Variants in CGNL1 observed in about 807,000 individuals in gnomAD.
The protein encoded by CGNL1 is cingulin-like protein 1.
Under a neutral mutation model 141.2 loss-of-function variants are expected in CGNL1, and 132 were observed. The observed-to-expected ratio is 0.93, with a 90% CI of 0.81 to 1.08. The LOEUF (loss-of-function observed/expected upper bound fraction) is 1.08, where lower values mean the gene tolerates loss of function less well. CGNL1 is among the 50% of genes least tolerant of loss of function. The pLI is 0.00. For synonymous variants in CGNL1, 690 were observed against 622.1 expected, an observed-to-expected ratio of 1.11 and a Z score of -1.63; for missense variants, 1,870 against 1,588.6, an observed-to-expected ratio of 1.18 and a Z score of -3.01.
chr15:57,378,283 A>G (rs1348871808), intron 1 of CGNL1, among the ~76,000 whole-genome samples: 9 of 148,688 alleles, frequency 6.1e-5, no homozygotes, highest in Admixed American at 2.0e-4. Flanking sequence ...TGATGTTTGC[A>G]TTAAAATTTC....
At chr15:57,495,301 T>G (rs1215678534) in intron 8 of CGNL1, among the ~76,000 whole-genome samples, 11 of 152,206 alleles carry the variant, frequency 7.2e-5, no homozygotes, top group Non-Finnish European at 1.5e-4. Context: ...CAGTTGGTGT[T>G]GGTCTCATTA....
chr15:57,413,782 T>C (rs1476610539), intron 1 of CGNL1, among the ~76,000 whole-genome samples: 1 of 152,174 alleles, frequency 6.6e-6, no homozygotes, highest in Non-Finnish European at 1.5e-5. Context: ...TGTTGCTGGG[T>C]AGATTTTTGT....
intron 1 of CGNL1, among the ~76,000 whole-genome samples, chr15:57,416,122 C>T (rs568502152): frequency 7.2e-4 from 110 of 152,038 alleles, no homozygotes; most frequent in African/African-American, 2.6e-3. Context: ...TGAAAAGGTA[C>T]TTCCACATTG....
At chr15:57,479,907 A>G (rs1366635145) in intron 8 of CGNL1, among the ~76,000 whole-genome samples, 1 of 152,096 alleles carries the variant, frequency 6.6e-6, no homozygotes, top group Admixed American at 6.6e-5. Flanking sequence ...TCTAGAGGAT[A>G]AAGGGGGAAA....
intron 8 of CGNL1, among the ~76,000 whole-genome samples, chr15:57,516,404 G>A (rs1595786745): frequency 1.3e-5 from 2 of 152,142 alleles, no homozygotes; most frequent in African/African-American, 4.8e-5. Context: ...TCGAAATCCC[G>A]TGTAAAGATC....
chr15:57,492,303 C>G (rs568132554), intron 8 of CGNL1, among the ~76,000 whole-genome samples: 103 of 152,202 alleles, frequency 6.8e-4, no homozygotes, highest in Non-Finnish European at 1.3e-3. Flanking sequence ...TGAGGTGGGC[C>G]TAACTTGATT....
intron 4 of CGNL1, among the ~76,000 whole-genome samples, chr15:57,450,862 G>C (rs2063313703): frequency 6.6e-6 from 1 of 152,138 alleles, no homozygotes; most frequent in Non-Finnish European, 1.5e-5. Flanking sequence ...CATTTACTGA[G>C]ATTTGATTAA....
chr15:57,455,528 C>G (rs992226058), intron 7 of CGNL1, among the ~76,000 whole-genome samples: 1 of 152,140 alleles, frequency 6.6e-6, no homozygotes, highest in Non-Finnish European at 1.5e-5. Flanking sequence ...ACTCACTTGA[C>G]GTTGCACATA....
intron 1 of CGNL1, among the ~76,000 whole-genome samples, chr15:57,395,687 G>T (rs76564594): frequency 2.6e-5 from 4 of 152,214 alleles, no homozygotes; most frequent in African/African-American, 9.7e-5. Context: ...TGGGCACTAC[G>T]TTAAGCACGC....
At chr15:57,508,404 C>A (rs1470340150) in intron 8 of CGNL1, among the ~76,000 whole-genome samples, 1 of 152,078 alleles carries the variant, frequency 6.6e-6, no homozygotes, top group Non-Finnish European at 1.5e-5. Flanking sequence ...GGTAAGTAGG[C>A]AAATCAAAAA....
chr15:57,491,630 A>G (rs559501632), intron 8 of CGNL1, among the ~76,000 whole-genome samples: 1 of 152,330 alleles, frequency 6.6e-6, no homozygotes, highest in South Asian at 2.1e-4. Context: ...AGATGCTCAC[A>G]TTGTAGCTAA....
chr15:57,399,877 C>A (rs536189792), intron 1 of CGNL1, among the ~76,000 whole-genome samples: 1 of 152,222 alleles, frequency 6.6e-6, no homozygotes, highest in African/African-American at 2.4e-5. Context: ...CTAAATAAAA[C>A]TCACTATTTT....
intron 8 of CGNL1, among the ~76,000 whole-genome samples, chr15:57,496,242 A>G (rs7174185): frequency 0.035 from 5,383 of 152,256 alleles, 327 homozygotes; most frequent in African/African-American, 0.12. Flanking sequence ...TCAGAAAATC[A>G]TGGTAATTTT....
At chr15:57,545,020 G>A (rs1431533529) in intron 16 of CGNL1, among the ~76,000 whole-genome samples, 8 of 152,198 alleles carry the variant, frequency 5.3e-5, no homozygotes, top group Non-Finnish European at 4.4e-5. Context: ...CAGAGATGGG[G>A]CAGGTCCTCC....
chr15:57,435,527 T>A (rs1280389), intron 1 of CGNL1, among the ~76,000 whole-genome samples: 50,426 of 151,556 alleles, frequency 0.33, 8,385 homozygotes, highest in East Asian at 0.42. Flanking sequence ...TTAAAAATAC[T>A]AGTATAACTG....
At chr15:57,416,038 A>G (rs1445440055) in intron 1 of CGNL1, among the ~76,000 whole-genome samples, 1 of 152,004 alleles carries the variant, frequency 6.6e-6, no homozygotes, top group Non-Finnish European at 1.5e-5. Flanking sequence ...TAGTCCTCAA[A>G]TATCAGAGGT....
chr15:57,521,264 T>C (rs1382887367), intron 10 of CGNL1, among the ~76,000 whole-genome samples: 1 of 152,214 alleles, frequency 6.6e-6, no homozygotes. Context: ...ACCGTTGTTC[T>C]AAACAGTGTT....
intron 1 of CGNL1, among the ~76,000 whole-genome samples, chr15:57,424,876 A>G (rs1382692702): frequency 6.6e-6 from 1 of 152,256 alleles, no homozygotes; most frequent in African/African-American, 2.4e-5. Context: ...AAGGTGATAC[A>G]GTTTCAGCAA....
chr15:57,414,586 A>G (rs1453017231), intron 1 of CGNL1, among the ~76,000 whole-genome samples: 1 of 152,156 alleles, frequency 6.6e-6, no homozygotes, highest in African/African-American at 2.4e-5. Context: ...TATCATTTCC[A>G]GAGGTCACCG....
Sources: gnomAD v4.1 joint callset for allele counts (sites outside exome capture counted in the v4.1 genomes callset) on GRCh38, gnomAD v4.1.1 for gene constraint, MANE v1.5 for transcripts, NCBI Gene and HGNC (gene_info 2026-07-23, HGNC 2026-07-21) for gene names.